MAGI2: variants seen among roughly 807,000 people sequenced by gnomAD.
The protein encoded by MAGI2 is membrane associated guanylate kinase, WW and PDZ domain containing 2.
MAGI2 carries 35 observed loss-of-function variants against 133.3 expected under a neutral mutation model. That is an observed-to-expected ratio of 0.26 (90% CI 0.20 to 0.35). MAGI2 has a LOEUF of 0.35. MAGI2 is among the 10% of genes least tolerant of loss of function. MAGI2 has a pLI of 1.00. For synonymous variants in MAGI2, 729 were observed against 710.6 expected, an observed-to-expected ratio of 1.03 and a Z score of -0.41; for missense variants, 1,636 against 1,863.4, an observed-to-expected ratio of 0.88 and a Z score of 2.25.
At chr7:78,665,031 C>T (rs531862718) in intron 2 of MAGI2, among the ~76,000 whole-genome samples, 1 of 152,110 alleles carries the variant, frequency 6.6e-6, no homozygotes, top group Non-Finnish European at 1.5e-5. Context: ...CTGCATTTTA[C>T]TAATATATTC....
intron 2 of MAGI2, among the ~76,000 whole-genome samples, chr7:78,726,615 C>T (rs1249397138): frequency 6.6e-6 from 1 of 151,888 alleles, no homozygotes; most frequent in East Asian, 1.9e-4. Flanking sequence ...GTTGAAGTCA[C>T]ATTTTTAAAG....
intron 1 of MAGI2, among the ~76,000 whole-genome samples, chr7:79,323,167 T>G (rs1839328574): frequency 6.6e-6 from 1 of 152,100 alleles, no homozygotes; most frequent in Non-Finnish European, 1.5e-5. Flanking sequence ...TTCATTCACT[T>G]ACACAACAAC....
At position 78,848,286 on chromosome 7, in the gene MAGI2, C is replaced by T. The variant is rs953971276; in HGVS notation, c.418+158804G>A. ...CCTAGTTGCTCAAGTCCCAAAGCAT[C>T]CTTGATTCTCCTCATTCCTTCACCC... On this transcript the variant is annotated intron_variant, in intron 2 of 21. Transcript: ENST00000354212. Among the ~76,000 whole-genome samples the T allele has an allele frequency of 3.3e-5, 5 of 151,876 alleles. No homozygotes were observed. The East Asian group carries it at 5.8e-4, about 18-fold the overall frequency.
chr7:78,265,116 TC>T (rs1175696468), intron 9 of MAGI2, among the ~76,000 whole-genome samples: 2 of 152,080 alleles, frequency 1.3e-5, no homozygotes, highest in Non-Finnish European at 2.9e-5. Flanking sequence ...GCAGCACACA[TC>T]CAACAATTAC....
chr7:78,556,798 T>C (rs556517066), intron 3 of MAGI2, among the ~76,000 whole-genome samples: 3 of 152,230 alleles, frequency 2.0e-5, no homozygotes, highest in African/African-American at 7.2e-5. Flanking sequence ...TAAAGAATTG[T>C]GGGTTTGCCG....
At chr7:79,099,252 C>T (rs1817761878) in intron 1 of MAGI2, among the ~76,000 whole-genome samples, 1 of 151,828 alleles carries the variant, frequency 6.6e-6, no homozygotes. Context: ...AATGACTTAT[C>T]TATTATCCAA....
chr7:78,197,066 T>C lies in MAGI2; in HGVS notation c.2080-2003A>G, dbSNP rs1477914511. ...AGTTTTAGTGAATTTTAGTGAATTT[T>C]CTGCTCAGAAGGGCTTGTGCTCCCA... On this transcript the variant is annotated intron_variant, in intron 11 of 21. Transcript: ENST00000354212. Among the ~76,000 whole-genome samples, 4 of 152,258 alleles carry C rather than the reference T, an allele frequency of 2.6e-5. No individual in the cohort carries two copies. In the East Asian group the frequency reaches 7.7e-4, roughly 29 times the overall value.
intron 9 of MAGI2, among the ~76,000 whole-genome samples, chr7:78,321,686 A>G (rs1788018380): frequency 6.6e-6 from 1 of 152,172 alleles, no homozygotes; most frequent in Admixed American, 6.5e-5. Flanking sequence ...AACCCAGGCA[A>G]TACCATTCAG....
rs571697558 is a variant in MAGI2 at position 78,539,999 on chromosome 7, GGCTTGA to G, written c.539-18360_539-18355del. Among the ~76,000 whole-genome samples the G allele has an allele frequency of 5.8e-4, 89 of 152,340 alleles. No homozygotes were observed. The East Asian group carries it at 0.016, about 27-fold the overall frequency. ...TTATTCTTTTATGAGTTGCTGTAAT[GGCTTGA>G]GTTGGTTGGCCTCCAGCCAGGAGGT... On this transcript the variant is annotated intron_variant, in intron 3 of 21. Coordinates refer to ENST00000354212, the MANE Select transcript of MAGI2 (RefSeq NM_012301.4).
chr7:78,872,034 C>CG (rs1051417474), intron 2 of MAGI2, among the ~76,000 whole-genome samples: 7 of 148,532 alleles, frequency 4.7e-5, no homozygotes, highest in African/African-American at 1.7e-4. Flanking sequence ...TTTGAACAAC[C>CG]TTTTTTTTTT....
intron 1 of MAGI2, among the ~76,000 whole-genome samples, chr7:79,339,161 C>G (rs1490773784): frequency 5.3e-5 from 8 of 152,160 alleles, no homozygotes; most frequent in East Asian, 1.9e-4. Flanking sequence ...CCTCATTACT[C>G]TATTTAAAGG....
chr7:79,040,950 TATC>T (rs1353195058), intron 1 of MAGI2, among the ~76,000 whole-genome samples: 2 of 152,188 alleles, frequency 1.3e-5, no homozygotes, highest in African/African-American at 2.4e-5. Flanking sequence ...TAACTACAGT[TATC>T]AATAATAGAT....
intron 2 of MAGI2, among the ~76,000 whole-genome samples, chr7:78,667,554 C>G: frequency 6.9e-6 from 1 of 144,672 alleles, no homozygotes; most frequent in South Asian, 2.3e-4. Flanking sequence ...CCCCACCCCA[C>G]AACAGTCCCC....
intron 2 of MAGI2, among the ~76,000 whole-genome samples, chr7:78,802,402 T>C (rs1346886011): frequency 2.0e-5 from 3 of 152,188 alleles, no homozygotes; most frequent in African/African-American, 7.2e-5. Context: ...TAAGTGCAAA[T>C]AGAAGCCATG....
chr7:78,793,412 A>G (rs1033454272), intron 2 of MAGI2, among the ~76,000 whole-genome samples: 4 of 152,196 alleles, frequency 2.6e-5, no homozygotes, highest in Non-Finnish European at 5.9e-5. Flanking sequence ...GCTGCTAAAC[A>G]TCTGACAATA....
intron 1 of MAGI2, among the ~76,000 whole-genome samples, chr7:79,078,793 C>CA (rs762349246): frequency 7.9e-5 from 12 of 152,114 alleles, no homozygotes; most frequent in Admixed American, 2.6e-4. Context: ...GTCATCAACT[C>CA]AATGGGTACG....
At chr7:78,097,734 A>G (rs1817838374) in intron 20 of MAGI2, among the ~76,000 whole-genome samples, 1 of 152,150 alleles carries the variant, frequency 6.6e-6, no homozygotes, top group Non-Finnish European at 1.5e-5. Flanking sequence ...TTCTTGGGTG[A>G]CAAAATAATC....
chr7:78,823,931 A>C (rs1790391082), intron 2 of MAGI2, among the ~76,000 whole-genome samples: 1 of 152,014 alleles, frequency 6.6e-6, no homozygotes, highest in African/African-American at 2.4e-5. Context: ...ACACACACAC[A>C]CACAAAATGC....
chr7:78,585,559 A>T (rs1803311938), intron 3 of MAGI2, among the ~76,000 whole-genome samples: 2 of 152,204 alleles, frequency 1.3e-5, no homozygotes, highest in Non-Finnish European at 2.9e-5. Flanking sequence ...ATTTAAAACC[A>T]GTGGCAATGT....
Sources: gnomAD v4.1 joint callset for allele counts (sites outside exome capture counted in the v4.1 genomes callset) on GRCh38, gnomAD v4.1.1 for gene constraint, MANE v1.5 for transcripts, NCBI Gene and HGNC (gene_info 2026-07-23, HGNC 2026-07-21) for gene names.